The following CTNNA2 variants were observed in gnomAD, a reference collection of about 807,000 sequenced individuals.
CTNNA2 encodes catenin alpha-2.
A neutral mutation model predicts 101.0 loss-of-function variants in CTNNA2; 42 were observed. The ratio of observed to expected loss-of-function variants is 0.42; its 90% CI spans 0.32 to 0.54. The LOEUF is 0.54. Ranked by LOEUF, CTNNA2 falls within the 20% of genes least tolerant of loss-of-function variation. The pLI is 0.14. For missense variants in CTNNA2, 871 were observed against 1,223.1 expected (o/e 0.71, Z 4.29); for synonymous variants, 450 against 456.4 (o/e 0.99, Z 0.18).
chr2:80,458,280 T>C (rs1684150403), intron 9 of CTNNA2, among the ~76,000 whole-genome samples: 1 of 152,292 alleles, frequency 6.6e-6, no homozygotes, highest in Non-Finnish European at 1.5e-5. Flanking sequence ...ATTCATATAG[T>C]GATGTATTTT....
chr2:79,517,564 A>G (rs1215805693), intron 1 of CTNNA2, among the ~76,000 whole-genome samples: 2 of 152,172 alleles, frequency 1.3e-5, no homozygotes, highest in Non-Finnish European at 2.9e-5. Context: ...TTCTTAATTG[A>G]TGTTTTAAAA....
Position 80,144,476 on chromosome 2 carries a change from G to A in CTNNA2, c.1056+234679G>A, listed in dbSNP as rs539105973. The stretch of plus-strand genomic sequence containing the variant: ...AAGAATACAACAACTTATCAATAAG[G>A]CAGTTTCACAGCAGTATATTTCTGA... On this transcript the variant is annotated intron_variant, in intron 7 of 18. Transcript: ENST00000402739. 3.2e-4 allele frequency among the ~76,000 whole-genome samples: 48 copies of A among 152,246 alleles called. No individual in the cohort carries two copies. The South Asian group carries it at 3.5e-3, about 11-fold the overall frequency.
At chr2:80,624,589 T>G (rs1308223237) in intron 18 of CTNNA2, among the ~76,000 whole-genome samples, 1 of 152,002 alleles carries the variant, frequency 6.6e-6, no homozygotes, top group African/African-American at 2.4e-5. Flanking sequence ...TGATTCTAAT[T>G]TAGCCCCCTA....
intron 7 of CTNNA2, among the ~76,000 whole-genome samples, chr2:79,976,132 GAGA>G (rs1443317791): frequency 6.6e-6 from 1 of 152,206 alleles, no homozygotes; most frequent in Non-Finnish European, 1.5e-5. Context: ...TCAGGAAACA[GAGA>G]AGAAGATCAA....
At chr2:80,249,783 TA>T (rs1373740810) in intron 7 of CTNNA2, among the ~76,000 whole-genome samples, 2 of 152,218 alleles carry the variant, frequency 1.3e-5, no homozygotes, top group Non-Finnish European at 2.9e-5. Flanking sequence ...TAGCCTGCTT[TA>T]TTTCACTAAG....
intron 1 of CTNNA2, among the ~76,000 whole-genome samples, chr2:79,578,946 C>G (rs985819565): frequency 2.6e-5 from 4 of 152,118 alleles, no homozygotes; most frequent in African/African-American, 9.7e-5. Context: ...TTTTAGTCTA[C>G]TTACATCATG....
chr2:80,568,884 C>T (rs1351111023), intron 12 of CTNNA2, among the ~76,000 whole-genome samples: 1 of 152,104 alleles, frequency 6.6e-6, no homozygotes, highest in Non-Finnish European at 1.5e-5. Context: ...CAGAAAGACA[C>T]AAGAACCATA....
At chr2:79,717,593 C>T (rs17017693) in intron 2 of CTNNA2, among the ~76,000 whole-genome samples, 35,181 of 152,112 alleles carry the variant, frequency 0.23, 5,822 homozygotes, top group African/African-American at 0.47. Flanking sequence ...CCTGAGCCAT[C>T]TAAACAGCAG....
At chr2:79,292,562 G>A (rs929079722) in intron 2 of CTNNA2, among the ~76,000 whole-genome samples, 12 of 152,116 alleles carry the variant, frequency 7.9e-5, no homozygotes, top group African/African-American at 2.4e-4. Flanking sequence ...AATTTTCCCA[G>A]TTTGTCTTTA....
chr2:79,551,635 T>G (rs1267066723), intron 1 of CTNNA2, among the ~76,000 whole-genome samples: 1 of 152,158 alleles, frequency 6.6e-6, no homozygotes, highest in East Asian at 1.9e-4. Context: ...GAATTACCTG[T>G]GACTGGGTAA....
At chr2:79,457,134 G>A (rs1287215809) in intron 4 of CTNNA2, among the ~76,000 whole-genome samples, 1 of 151,420 alleles carries the variant, frequency 6.6e-6, no homozygotes, top group Non-Finnish European at 1.5e-5. Context: ...CCCGGGAGGC[G>A]GAGCTTGCAG....
At chr2:79,237,998 T>C (rs1674578735) in intron 2 of CTNNA2, among the ~76,000 whole-genome samples, 1 of 152,240 alleles carries the variant, frequency 6.6e-6, no homozygotes, top group Non-Finnish European at 1.5e-5. Context: ...TTGTGAACTT[T>C]TCCTTCGCAT....
intron 7 of CTNNA2, among the ~76,000 whole-genome samples, chr2:80,183,908 T>TGTAA (rs1266896220): frequency 7.0e-6 from 1 of 142,440 alleles, no homozygotes; most frequent in Non-Finnish European, 1.5e-5. Flanking sequence ...TGTGTGTGTG[T>TGTAA]GTAAGCATTG....
chr2:79,462,144 G>A (rs1026858056), intron 4 of CTNNA2, among the ~76,000 whole-genome samples: 2 of 152,114 alleles, frequency 1.3e-5, no homozygotes, highest in South Asian at 2.1e-4. Context: ...CAGAAAACTG[G>A]ATAAATTACC....
At chr2:79,223,765 C>T (rs1674374394) in intron 2 of CTNNA2, among the ~76,000 whole-genome samples, 1 of 152,158 alleles carries the variant, frequency 6.6e-6, no homozygotes. Context: ...ACCAAAATCC[C>T]TAATGCATAA....
chr2:80,547,519 C>G (rs1482662263), intron 11 of CTNNA2, among the ~76,000 whole-genome samples: 1 of 152,050 alleles, frequency 6.6e-6, no homozygotes, highest in Admixed American at 6.6e-5. Flanking sequence ...TTCAGCTTCC[C>G]TTTCCCACCT....
chr2:79,907,725 A>G (rs1275320951), intron 6 of CTNNA2, among the ~76,000 whole-genome samples: 1 of 152,220 alleles, frequency 6.6e-6, no homozygotes, highest in Non-Finnish European at 1.5e-5. Context: ...AAGAATGATC[A>G]TCTTGCCAAA....
At chr2:79,691,789 A>C (rs111582879) in intron 2 of CTNNA2, among the ~76,000 whole-genome samples, 1 of 152,176 alleles carries the variant, frequency 6.6e-6, no homozygotes, top group Non-Finnish European at 1.5e-5. Flanking sequence ...TCCCTATTTA[A>C]TAAATGGTGT....
chr2:79,488,318 C>CAAAAAAA (rs61641596), intron 4 of CTNNA2, among the ~76,000 whole-genome samples: 14 of 99,898 alleles, frequency 1.4e-4, no homozygotes, highest in Admixed American at 3.7e-4. Flanking sequence ...AACTCCATCT[C>CAAAAAAA]AAAAAAAAAA....
Sources: gnomAD v4.1 joint callset for allele counts (sites outside exome capture counted in the v4.1 genomes callset) on GRCh38, gnomAD v4.1.1 for gene constraint, MANE v1.5 for transcripts, NCBI Gene and HGNC (gene_info 2026-07-23, HGNC 2026-07-21) for gene names.